Variants in FBXO4 observed in about 807,000 individuals in gnomAD.
FBXO4 encodes the protein F-box only protein 4.
FBXO4 carries 36 observed loss-of-function variants against 43.7 expected under a neutral mutation model. The ratio of observed to expected loss-of-function variants is 0.82; its 90% CI spans 0.63 to 1.09. The LOEUF (loss-of-function observed/expected upper bound fraction) is 1.09. FBXO4 is among the 50% of genes least tolerant of loss of function. The pLI, the probability that FBXO4 is intolerant of heterozygous loss-of-function variation, is 0.00. For missense variants in FBXO4, 435 were observed against 474.1 expected (o/e 0.92, Z 0.77); for synonymous variants, 180 against 165.6 (o/e 1.09, Z -0.67).
At chr5:41,927,765 A>G (rs1751553982) in intron 2 of FBXO4, among the ~76,000 whole-genome samples, 1 of 152,190 alleles carries the variant, frequency 6.6e-6, no homozygotes, top group Admixed American at 6.5e-5. Flanking sequence ...TGTTTTACTC[A>G]TTTAATCCTC....
chr5:41,943,062 A>T (rs554794388), downstream of FBXO4, among the ~76,000 whole-genome samples: 212 of 152,258 alleles, frequency 1.4e-3, 2 homozygotes, highest in Admixed American at 3.8e-3. Flanking sequence ...CACTAGTATT[A>T]TCCTCATTTT....
the FBXO4 span, among the ~76,000 whole-genome samples, chr5:41,988,178 T>TA: frequency 1.3e-5 from 2 of 152,184 alleles, no homozygotes; most frequent in Non-Finnish European, 2.9e-5. Flanking sequence ...AGTGAGCCAG[T>TA]ATCTCTGGAT....
the FBXO4 span, among the ~76,000 whole-genome samples, chr5:42,038,571 G>C: frequency 3.3e-4 from 50 of 152,190 alleles, no homozygotes; most frequent in Non-Finnish European, 5.0e-4. Flanking sequence ...CAGAGTAATT[G>C]TGGTATCTAT....
the FBXO4 span, among the ~76,000 whole-genome samples, chr5:42,023,928 A>T: frequency 3.3e-5 from 5 of 151,982 alleles, no homozygotes; most frequent in African/African-American, 1.2e-4. Flanking sequence ...GCTGTTCTCC[A>T]CACCAAAACC....
chr5:42,022,617 T>G, the FBXO4 span, among the ~76,000 whole-genome samples: 39 of 152,138 alleles, frequency 2.6e-4, no homozygotes, highest in Admixed American at 6.6e-4. Context: ...CTCCTAAAGG[T>G]GTCTCTGACA....
At chr5:41,951,889 G>C in the FBXO4 span, 3 of 252,062 alleles carry the variant, frequency 1.2e-5, no homozygotes, top group Non-Finnish European at 7.8e-6. Context: ...AGGAGGAAAT[G>C]ATCATCAACA....
chr5:42,033,251 C>T, the FBXO4 span, among the ~76,000 whole-genome samples: 1 of 152,140 alleles, frequency 6.6e-6, no homozygotes, highest in African/African-American at 2.4e-5. Context: ...CATCTTCCCA[C>T]AACTCCAGTC....
At chr5:41,939,276 C>A (rs571282032) in intron 5 of FBXO4, 165 bp from the exon 6 acceptor site, 2 of 525,550 alleles carry the variant, frequency 3.8e-6, no homozygotes, top group Non-Finnish European at 6.5e-6. Flanking sequence ...AGCATTTTTG[C>A]TTTTAAACTG....
the FBXO4 span, among the ~76,000 whole-genome samples, chr5:41,979,787 G>C: frequency 6.6e-6 from 1 of 152,258 alleles, no homozygotes; most frequent in Admixed American, 6.5e-5. Context: ...CAAGAAGTCT[G>C]CAATAACAAC....
the FBXO4 span, among the ~76,000 whole-genome samples, chr5:42,038,227 T>G: frequency 2.6e-5 from 4 of 152,104 alleles, no homozygotes; most frequent in African/African-American, 9.7e-5. Flanking sequence ...TAACTCATAT[T>G]CTGTTCACCA....
chr5:42,009,665 G>A, the FBXO4 span, among the ~76,000 whole-genome samples: 1 of 152,158 alleles, frequency 6.6e-6, no homozygotes, highest in Admixed American at 6.6e-5. Context: ...CAATGATGCT[G>A]CACATCTCTG....
chr5:41,995,246 A>G, the FBXO4 span, among the ~76,000 whole-genome samples: 1 of 152,172 alleles, frequency 6.6e-6, no homozygotes, highest in Non-Finnish European at 1.5e-5. Flanking sequence ...CCGTGAGTCC[A>G]TTGGTGGTAG....
chr5:41,927,876 C>G (rs1435939424), intron 2 of FBXO4, among the ~76,000 whole-genome samples: 1 of 152,134 alleles, frequency 6.6e-6, no homozygotes, highest in Non-Finnish European at 1.5e-5. Flanking sequence ...AGGGACTATT[C>G]AGACTGGAAC....
chr5:41,956,815 T>A, the FBXO4 span, among the ~76,000 whole-genome samples: 2 of 151,392 alleles, frequency 1.3e-5, no homozygotes, highest in Non-Finnish European at 2.9e-5. Context: ...CTGGTCCAAG[T>A]GATTCTCCTG....
At chr5:41,974,147 G>C in the FBXO4 span, among the ~76,000 whole-genome samples, 1 of 151,984 alleles carries the variant, frequency 6.6e-6, no homozygotes, top group Non-Finnish European at 1.5e-5. Context: ...CTTCTTCTTT[G>C]TCTTTTGCTT....
the FBXO4 span, among the ~76,000 whole-genome samples, chr5:41,949,504 C>A: frequency 6.6e-6 from 1 of 152,132 alleles, no homozygotes; most frequent in Non-Finnish European, 1.5e-5. Flanking sequence ...ATCCAACTTA[C>A]AAGGGATGTG....
Position 41,941,371 on chromosome 5 carries a change from C to A in FBXO4, c.*90C>A. 8.9e-7 allele frequency: 1 copy of A among 1,119,874 alleles called. No homozygotes were observed. The highest frequency in any genetic ancestry group is 1.3e-5 in the South Asian group (1 of 77,364). 69.4% of individuals were successfully genotyped at this position (1,119,874 alleles called of 1,614,324 possible). A position where few individuals can be genotyped will look rare whatever the true frequency, so the allele number is the denominator to read the frequency against. On this transcript the variant is annotated 3_prime_UTR_variant, in exon 7 of 7. Coordinates refer to ENST00000281623, the MANE Select transcript of FBXO4 (RefSeq NM_012176.3). ...ATTTGCTCAGTCAGCCCACCTTGTC[C>A]TGCCTTTTTGCAGATAGGCTTTCAT...
chr5:42,028,293 T>C, the FBXO4 span, among the ~76,000 whole-genome samples: 1 of 151,896 alleles, frequency 6.6e-6, no homozygotes, highest in South Asian at 2.1e-4. Flanking sequence ...TGTTTCTTCT[T>C]ATTGTTTTTG....
chr5:41,984,525 GATC>G, the FBXO4 span, among the ~76,000 whole-genome samples: 1 of 152,126 alleles, frequency 6.6e-6, no homozygotes, highest in Non-Finnish European at 1.5e-5. Flanking sequence ...TTGGGCTTTG[GATC>G]ATCTTTCTTT....
Sources: gnomAD v4.1 joint callset for allele counts (sites outside exome capture counted in the v4.1 genomes callset) on GRCh38, gnomAD v4.1.1 for gene constraint, MANE v1.5 for transcripts, NCBI Gene and HGNC (gene_info 2026-07-23, HGNC 2026-07-21) for gene names.